The following PCLO variants were observed in gnomAD, a reference collection of about 807,000 sequenced individuals.
PCLO encodes protein piccolo.
PCLO carries 82 observed loss-of-function variants against 427.5 expected under a neutral mutation model. That is an observed-to-expected ratio of 0.19 (90% confidence interval 0.16 to 0.23). The LOEUF is 0.23. Ranked by LOEUF, PCLO falls within the 10% of genes least tolerant of loss-of-function variation. The pLI is 1.00. For missense variants in PCLO, 6,239 were observed against 6,115.9 expected, an observed-to-expected ratio of 1.02 and a Z score of -0.67; for synonymous variants, 2,357 against 2,155.4, an observed-to-expected ratio of 1.09 and a Z score of -2.59.
intron 2 of PCLO, among the ~76,000 whole-genome samples, chr7:83,149,173 A>C (rs1388150669): frequency 6.6e-6 from 1 of 152,138 alleles, no homozygotes; most frequent in African/African-American, 2.4e-5. Flanking sequence ...CTTCCCAGTG[A>C]AGATTAAGAA....
chr7:82,771,831 C>T (rs73708635), intron 22 of PCLO, among the ~76,000 whole-genome samples: 9,610 of 152,042 alleles, frequency 0.063, 714 homozygotes, highest in African/African-American at 0.18. Context: ...AAGTGGGGAA[C>T]TGGGGACCCA....
intron 22 of PCLO, among the ~76,000 whole-genome samples, chr7:82,796,472 A>C (rs1791225879): frequency 6.6e-6 from 1 of 151,948 alleles, no homozygotes; most frequent in Non-Finnish European, 1.5e-5. Flanking sequence ...CTTCAGTCTG[A>C]ACTTGGCCTC....
chr7:83,021,197 C>A (rs1174171741), intron 3 of PCLO, among the ~76,000 whole-genome samples: 1 of 152,164 alleles, frequency 6.6e-6, no homozygotes, highest in East Asian at 1.9e-4. Context: ...GCCCAGAACT[C>A]CTCAGGAGGA....
At chr7:82,788,136 GATTTA>G (rs1018755446) in intron 22 of PCLO, among the ~76,000 whole-genome samples, 17 of 149,128 alleles carry the variant, frequency 1.1e-4, no homozygotes, top group Non-Finnish European at 1.6e-4. Flanking sequence ...GTATTTATCT[GATTTA>G]ATTTAATCAA....
At chr7:82,802,292 G>A (rs370008173) in intron 21 of PCLO, among the ~76,000 whole-genome samples, 25 of 151,950 alleles carry the variant, frequency 1.6e-4, no homozygotes, top group East Asian at 1.5e-3. Context: ...CGTGAAAAGG[G>A]TTAACAGAGT....
At chr7:82,852,011 A>T (rs1376726153) in intron 10 of PCLO, among the ~76,000 whole-genome samples, 1 of 151,524 alleles carries the variant, frequency 6.6e-6, no homozygotes, top group African/African-American at 2.4e-5. Context: ...TAAAAGGGGG[A>T]AAGGTAAGAA....
intron 16 of PCLO, among the ~76,000 whole-genome samples, chr7:82,834,739 T>C (rs1257712739): frequency 6.6e-6 from 1 of 152,172 alleles, no homozygotes; most frequent in Non-Finnish European, 1.5e-5. Context: ...GTTGACAGTG[T>C]AATGATGCAA....
At chr7:82,997,353 T>C (rs903916020) in intron 3 of PCLO, among the ~76,000 whole-genome samples, 2 of 152,044 alleles carry the variant, frequency 1.3e-5, no homozygotes, top group African/African-American at 2.4e-5. Flanking sequence ...CACCTGCTTA[T>C]ATTATTTTAC....
intron 6 of PCLO, among the ~76,000 whole-genome samples, chr7:82,921,438 T>C (rs934944953): frequency 1.3e-5 from 2 of 151,638 alleles, no homozygotes; most frequent in East Asian, 1.9e-4. Context: ...AGAAATAAAG[T>C]TGCACACCTA....
At chr7:82,874,178 T>TG (rs1407268063) in intron 10 of PCLO, among the ~76,000 whole-genome samples, 1 of 152,082 alleles carries the variant, frequency 6.6e-6, no homozygotes, top group Non-Finnish European at 1.5e-5. Flanking sequence ...AAAGGTTTTT[T>TG]TTTTTTAAAT....
intron 10 of PCLO, among the ~76,000 whole-genome samples, chr7:82,847,590 C>T (rs1047588726): frequency 1.3e-5 from 2 of 152,030 alleles, no homozygotes; most frequent in African/African-American, 4.8e-5. Context: ...AACAAACAAA[C>T]AATTAGAAAC....
At chr7:82,948,098 C>T (rs963162481) in intron 6 of PCLO, among the ~76,000 whole-genome samples, 3 of 151,796 alleles carry the variant, frequency 2.0e-5, no homozygotes, top group Non-Finnish European at 4.4e-5. Flanking sequence ...AAATATATAC[C>T]TACACATTAT....
chr7:82,994,275 A>G (rs1370162397), intron 3 of PCLO, among the ~76,000 whole-genome samples: 1 of 152,064 alleles, frequency 6.6e-6, no homozygotes, highest in African/African-American at 2.4e-5. Flanking sequence ...ATAATGGTAA[A>G]CAGATAATGA....
intron 10 of PCLO, among the ~76,000 whole-genome samples, chr7:82,862,161 A>G (rs1792973387): frequency 6.6e-6 from 1 of 152,020 alleles, no homozygotes; most frequent in South Asian, 2.1e-4. Flanking sequence ...GCTCAACAAA[A>G]CCAAAAATTG....
In PCLO at chr7:83,096,971, ATT is replaced by A. The variant is rs1314108907; in HGVS notation, c.3300+37277_3300+37278del. On this transcript the variant is annotated intron_variant, in intron 3 of 24. Transcript: ENST00000333891. Reference sequence around the variant, plus strand: ...TTATATAAATAATATAATATAATATATTATATATTATATAAATAATATATATT... The same window carrying A: ...TTATATAAATAATATAATATAATATAATATATTATATAAATAATATATATT... Among the ~76,000 whole-genome samples the A allele has an allele frequency of 5.2e-3, 282 of 54,268 alleles. 48 individuals are homozygous for A. Among genetic ancestry groups the A allele is most frequent in the African/African-American group, 0.013 (150 of 11,778 alleles). 35.6% of individuals were successfully genotyped at this position (54,268 alleles called of 152,430 possible).
At chr7:83,131,122 T>C (rs1412033854) in intron 3 of PCLO, among the ~76,000 whole-genome samples, 1 of 152,210 alleles carries the variant, frequency 6.6e-6, no homozygotes, top group Non-Finnish European at 1.5e-5. Context: ...GACCAGCTTT[T>C]TAAGAAAGCT....
At position 83,162,237 on chromosome 7, in the gene PCLO, A is replaced by G. The variant is rs1374369514; in HGVS notation, c.248+108T>C. 1.4e-5 allele frequency: 19 copies of G among 1,310,768 alleles called. No homozygotes were observed. The East Asian group carries it at 2.3e-4, about 16-fold the overall frequency. The allele number at this position is 1,310,768 out of a possible 1,614,324, so 81.2% of individuals were successfully genotyped here. ...CCACCCCACTGGGGAGAATAAAATG[A>G]ACGGAGGCGACATATATGTACCGCC... is the stretch of plus-strand genomic sequence containing the variant. On this transcript the variant is annotated intron_variant, in intron 1 of 24. Transcript: ENST00000333891.
At chr7:82,832,447 G>T (rs902593652) in intron 16 of PCLO, among the ~76,000 whole-genome samples, 2 of 151,906 alleles carry the variant, frequency 1.3e-5, no homozygotes, top group East Asian at 1.9e-4. Context: ...TAGAGACGGG[G>T]TTTCACCATG....
chr7:82,788,225 A>G (rs2129468324), intron 22 of PCLO, among the ~76,000 whole-genome samples: 1 of 147,602 alleles, frequency 6.8e-6, no homozygotes, highest in East Asian at 1.9e-4. Flanking sequence ...TAATAATTAT[A>G]TATAATATAT....
Sources: allele counts gnomAD v4.1 joint callset (sites outside exome capture counted in the v4.1 genomes callset), GRCh38; gene constraint gnomAD v4.1.1; transcripts MANE v1.5; gene names NCBI Gene and HGNC (gene_info 2026-07-23, HGNC 2026-07-21).